Variants in MAST4 observed in about 807,000 individuals in gnomAD.
The protein encoded by MAST4 is microtubule-associated serine/threonine-protein kinase 4.
Under a neutral mutation model 162.7 loss-of-function variants are expected in MAST4, and 89 were observed. The observed-to-expected ratio is 0.55, with a 90% CI of 0.46 to 0.65. The LOEUF (loss-of-function observed/expected upper bound fraction) is 0.65, where lower values mean the gene tolerates loss of function less well. Among genes scored for constraint, MAST4 ranks in the 30% least tolerant of loss-of-function variants. MAST4 has a pLI of 0.00. For synonymous variants in MAST4, 1,479 were observed against 1,361.1 expected (o/e 1.09, Z -1.91); for missense variants, 3,153 against 3,374.0 (o/e 0.93, Z 1.62).
rs142698442 is a variant in MAST4 at position 66,765,065 on chromosome 5, A to G, written c.517+5203A>G. ...TCATTGTGTTGCAGTTGCCTACAGT[A>G]TTAGGTGCAGTTGCATGCTATACAC... On this transcript the variant is annotated intron_variant, in intron 2 of 28. Transcript: ENST00000403625. Among the ~76,000 whole-genome samples, 449 of 152,292 alleles carry G rather than the reference A, an allele frequency of 2.9e-3. 5 individuals are homozygous for G. The highest frequency in any genetic ancestry group is 4.4e-3 in the Admixed American group (67 of 15,290).
intron 1 of MAST4, among the ~76,000 whole-genome samples, chr5:66,631,279 G>T (rs1005638683): frequency 2.6e-5 from 4 of 152,156 alleles, no homozygotes; most frequent in Non-Finnish European, 5.9e-5. Context: ...TCCTTTACCT[G>T]TGTCCTAGAA....
chr5:67,155,749 C>T (rs1422017198), intron 26 of MAST4, among the ~76,000 whole-genome samples: 1 of 152,084 alleles, frequency 6.6e-6, no homozygotes, highest in Non-Finnish European at 1.5e-5. Flanking sequence ...GTGCAAAATA[C>T]TGCAAGGGCC....
At position 66,788,709 on chromosome 5, in the gene MAST4, G is replaced by T; in HGVS notation, c.557G>T (p.Trp186Leu). ...LLPNPVAGQA[W>L]PASAETSNLV... Reference sequence around the variant, plus strand: ...CCAAACCCGGTGGCGGGACAGGCCTGGCCGGCCTCTGCAGAGACGTCCAAC... The same window carrying T: ...CCAAACCCGGTGGCGGGACAGGCCTTGCCGGCCTCTGCAGAGACGTCCAAC... The change falls in exon 3 of 29, where the codon TGG (tryptophan) becomes TTG (leucine). Residue 186 changes from tryptophan to leucine, a missense_variant. By Grantham distance (61) the Trp-to-Leu change is moderately conservative. Coordinates refer to ENST00000403625, the MANE Select transcript of MAST4 (RefSeq NM_001164664.2). 1 of 1,613,184 alleles carries T rather than the reference G, an allele frequency of 6.2e-7. No homozygotes were observed. The highest frequency in any genetic ancestry group is 8.5e-7 in the Non-Finnish European group (1 of 1,179,538).
At chr5:66,998,519 A>G (rs762954796) in intron 4 of MAST4, among the ~76,000 whole-genome samples, 26 of 152,222 alleles carry the variant, frequency 1.7e-4, no homozygotes, top group South Asian at 4.1e-4. Flanking sequence ...GACCCATGAA[A>G]CTGAAATTGA....
At chr5:66,859,817 G>T (rs1056554173) in intron 3 of MAST4, among the ~76,000 whole-genome samples, 3 of 152,172 alleles carry the variant, frequency 2.0e-5, no homozygotes, top group Non-Finnish European at 4.4e-5. Flanking sequence ...AGAGAGTGCC[G>T]TGCTGCCTAA....
In MAST4 at chr5:67,162,604, TAGG is replaced by T. The variant is rs779902563; in HGVS notation, c.3789_3791del (p.Arg1264del). On this transcript the variant is annotated splice_acceptor_variant and coding_sequence_variant, in exon 28 of 29. Coordinates refer to ENST00000403625, the MANE Select transcript of MAST4 (RefSeq NM_001164664.2). LOFTEE classifies it high-confidence loss of function. ...TGAACAATTTTTTCCTGTTTTTCTG[TAGG>T]AGGAGATCTCTTTTCAAAAAGCTAG... 6.2e-6 allele frequency: 10 copies of T among 1,613,156 alleles called. No homozygotes were observed. The highest frequency in any genetic ancestry group is 8.5e-6 in the Non-Finnish European group (10 of 1,179,546).
At chr5:66,637,257 T>A (rs1436604049) in intron 1 of MAST4, among the ~76,000 whole-genome samples, 1 of 146,580 alleles carries the variant, frequency 6.8e-6, no homozygotes, top group Non-Finnish European at 1.5e-5. Context: ...TTTTTTTTAA[T>A]GTTGCAGTTG....
chr5:66,998,635 C>G (rs1489469694), intron 4 of MAST4, among the ~76,000 whole-genome samples: 1 of 152,192 alleles, frequency 6.6e-6, no homozygotes, highest in Non-Finnish European at 1.5e-5. Context: ...TGTAGCAAAT[C>G]CATCCTCAAT....
At chr5:66,810,720 G>A (rs1756434811) in intron 3 of MAST4, among the ~76,000 whole-genome samples, 1 of 152,174 alleles carries the variant, frequency 6.6e-6, no homozygotes, top group South Asian at 2.1e-4. Flanking sequence ...CAACAGTTCT[G>A]GAAGGGCTGC....
chr5:66,624,154 T>C (rs1312520505), intron 1 of MAST4, among the ~76,000 whole-genome samples: 1 of 135,784 alleles, frequency 7.4e-6, no homozygotes, highest in Non-Finnish European at 1.6e-5. Flanking sequence ...ATGTTTTTTT[T>C]TTTTTTTTTT....
chr5:66,997,212 G>T (rs1035893811), intron 4 of MAST4, among the ~76,000 whole-genome samples: 7 of 151,802 alleles, frequency 4.6e-5, no homozygotes, highest in Non-Finnish European at 8.8e-5. Context: ...TATGTGTTTG[G>T]ACATGTACAC....
Position 67,166,699 on chromosome 5 carries a change from C to T in MAST4, c.7520C>T (p.Pro2507Leu), listed in dbSNP as rs1198098284. ...AACAGGGACCATAGGAAGGCTCAGC[C>T]TGCCGGGGAGGGCCGAACCCACATG... ...PSNRDHRKAQ[P>L]AGEGRTHMTK... Residue 2507 changes from proline to leucine, a missense_variant, in exon 29 of 29, where the codon CCT (proline) becomes CTT (leucine). By Grantham distance (98) the Pro-to-Leu change is moderately conservative. Coordinates refer to ENST00000403625, the MANE Select transcript of MAST4 (RefSeq NM_001164664.2). The T allele has an allele frequency of 6.3e-7, 1 of 1,591,056 alleles. No homozygotes were observed. The highest frequency in any genetic ancestry group is 1.3e-5 in the African/African-American group (1 of 74,542).
At position 66,964,797 on chromosome 5, in the gene MAST4, C is replaced by T. The variant is rs1321287769; in HGVS notation, c.674+64815C>T. 6.6e-5 allele frequency among the ~76,000 whole-genome samples: 10 copies of T among 151,994 alleles called. No homozygotes were observed. In the South Asian group the frequency reaches 8.3e-4, roughly 13 times the overall value. On this transcript the variant is annotated intron_variant, in intron 4 of 28. Transcript: ENST00000403625. ...CAGCCTGGGCGAAAGAGTGAGACTC[C>T]GTCTCAAAAAAGAAAAAATCCTGTG...
intron 14 of MAST4, among the ~76,000 whole-genome samples, chr5:67,122,718 T>G (rs1341608414): frequency 6.6e-6 from 1 of 152,178 alleles, no homozygotes; most frequent in African/African-American, 2.4e-5. Flanking sequence ...CTTTTAAAAA[T>G]TTGGGCATAT....
At chr5:66,640,283 A>G (rs1231865651) in intron 1 of MAST4, among the ~76,000 whole-genome samples, 3 of 151,338 alleles carry the variant, frequency 2.0e-5, no homozygotes, top group Non-Finnish European at 4.4e-5. Flanking sequence ...ATTTGTGTAG[A>G]TAGATGGATA....
At chr5:66,659,950 TGTG>T (rs58566551) in intron 1 of MAST4, among the ~76,000 whole-genome samples, 12,248 of 151,530 alleles carry the variant, frequency 0.081, 895 homozygotes, top group East Asian at 0.28. Flanking sequence ...GACATAGAGA[TGTG>T]GTTGCTTGTG....
In MAST4 at chr5:67,164,540, G is replaced by C; in HGVS notation, c.5361G>C (p.Glu1787Asp). The C allele has an allele frequency of 6.2e-7, 1 of 1,614,010 alleles. No individual in the cohort carries two copies. Among genetic ancestry groups the C allele is most frequent in the Non-Finnish European group, 8.5e-7 (1 of 1,179,894 alleles). Reference sequence around the variant, plus strand: ...CCCCTGTTAGGAAGAGCCCCTCCGAGTATAAGCTGGAAGGTAGGTCTGTCT... The same window carrying C: ...CCCCTGTTAGGAAGAGCCCCTCCGACTATAAGCTGGAAGGTAGGTCTGTCT... ...PESPVRKSPS[E>D]YKLEGRSVSC... Residue 1787 changes from glutamate to aspartate, a missense_variant, in exon 29 of 29, where the codon GAG becomes GAC. Transcript: ENST00000403625. This position sits in a 1 kb window ranked among gnomAD's most constrained non-coding sequence, Gnocchi z 5.3.
intron 4 of MAST4, among the ~76,000 whole-genome samples, chr5:66,903,546 G>T (rs1276942205): frequency 4.0e-5 from 6 of 151,692 alleles, no homozygotes; most frequent in Non-Finnish European, 5.9e-5. Context: ...ATCTACAGTG[G>T]CAGACACCAA....
intron 1 of MAST4, among the ~76,000 whole-genome samples, chr5:66,702,459 G>T (rs1749844255): frequency 6.6e-6 from 1 of 152,150 alleles, no homozygotes; most frequent in Non-Finnish European, 1.5e-5. Flanking sequence ...ATAAAGCAGG[G>T]TAGGAGGGCC....
Sources: allele counts gnomAD v4.1 joint callset (sites outside exome capture counted in the v4.1 genomes callset), GRCh38; gene constraint gnomAD v4.1.1; non-coding constraint Gnocchi (gnomAD v3.1); transcripts MANE v1.5; gene names NCBI Gene and HGNC (gene_info 2026-07-23, HGNC 2026-07-21).